The following ITGA11 variants were observed in gnomAD, a reference collection of about 807,000 sequenced individuals.
ITGA11 encodes integrin alpha-11.
Under a neutral mutation model 141.9 loss-of-function variants are expected in ITGA11, and 97 were observed. The observed-to-expected ratio is 0.68, with a 90% confidence interval of 0.58 to 0.81. ITGA11 has a LOEUF of 0.81. Ranked by LOEUF, ITGA11 falls within the 30% of genes least tolerant of loss-of-function variation. The probability of loss-of-function intolerance (pLI) is 0.00; values close to 1 mark genes in which losing one functional copy is unlikely to be tolerated. For missense variants in ITGA11, 1,387 were observed against 1,559.2 expected, an observed-to-expected ratio of 0.89 and a Z score of 1.86; for synonymous variants, 658 against 624.6, an observed-to-expected ratio of 1.05 and a Z score of -0.80.
intron 1 of ITGA11, among the ~76,000 whole-genome samples, chr15:68,426,817 C>T (rs569985499): frequency 2.0e-5 from 3 of 152,040 alleles, no homozygotes; most frequent in African/African-American, 7.2e-5. Flanking sequence ...GAGTTCAAGA[C>T]CAGCCTGGTC....
intron 1 of ITGA11, among the ~76,000 whole-genome samples, chr15:68,404,375 C>A (rs988164920): frequency 8.5e-5 from 13 of 152,162 alleles, no homozygotes; most frequent in African/African-American, 2.7e-4. Context: ...CGCCCTGGCC[C>A]CAAGGGTCGC....
intron 1 of ITGA11, among the ~76,000 whole-genome samples, chr15:68,431,532 C>T (rs1897270883): frequency 6.6e-6 from 1 of 152,152 alleles, no homozygotes; most frequent in African/African-American, 2.4e-5. Flanking sequence ...TTCAGCCCTC[C>T]GGGGCCGCCG....
rs75284077 is a variant in ITGA11 at position 68,325,265 on chromosome 15, C to T, written c.2212-24G>A. 8 of 1,497,120 alleles carry T rather than the reference C, an allele frequency of 5.3e-6. No homozygotes were observed. Among genetic ancestry groups the T allele is most frequent in the African/African-American group, 1.4e-5 (1 of 72,658 alleles). The allele number at this position is 1,497,120 out of a possible 1,614,324, so 92.7% of individuals were successfully genotyped here. A position where few individuals can be genotyped will look rare whatever the true frequency, so the allele number is the denominator to read the frequency against. On this transcript the variant is annotated intron_variant, in intron 17 of 29. Coordinates refer to ENST00000315757, the MANE Select transcript of ITGA11 (RefSeq NM_001004439.2). This position sits in a 1 kb window ranked among gnomAD's most constrained non-coding sequence, Gnocchi z 5.5. ...TCCTGGGGGGTGGAGATGAGGGCAG[C>T]GGTGAGGGAGGAGAGAACGTCATTT...
intron 20 of ITGA11, among the ~76,000 whole-genome samples, chr15:68,319,686 G>A (rs1893724516): frequency 6.6e-6 from 1 of 152,248 alleles, no homozygotes; most frequent in African/African-American, 2.4e-5. Context: ...AGAACGTGTG[G>A]ATGGCTGGTG....
chr15:68,415,884 G>A (rs2140430099), intron 1 of ITGA11, among the ~76,000 whole-genome samples: 1 of 152,296 alleles, frequency 6.6e-6, no homozygotes, highest in South Asian at 2.1e-4. Flanking sequence ...GCCACCAGGG[G>A]TGAGCTTATC....
chr15:68,326,775 A>C lies in ITGA11; in HGVS notation c.2090T>G (p.Met697Arg), dbSNP rs373273567. The change falls in exon 17 of 30, where the codon ATG becomes AGG. Residue 697 changes from methionine to arginine, a missense_variant. Transcript: ENST00000315757. This position sits in a 1 kb window ranked among gnomAD's most constrained non-coding sequence, Gnocchi z 6.8. Reference sequence around the variant, plus strand: ...CCTCGGTGTATACCGCCTCTCATCCATGGTGGCGTTGTATCTGATGCCTGC... The same window carrying C: ...CCTCGGTGTATACCGCCTCTCATCCCTGGTGGCGTTGTATCTGATGCCTGC... ...TTVGIRYNATMDERRYTPRAH... is the reference protein window; with the variant it reads ...TTVGIRYNATRDERRYTPRAH... 2.5e-6 allele frequency: 4 copies of C among 1,581,386 alleles called. No individual in the cohort carries two copies. Among genetic ancestry groups the C allele is most frequent in the Admixed American group, 1.8e-5 (1 of 55,824 alleles).
chr15:68,426,328 G>A (rs1897142360), intron 1 of ITGA11, among the ~76,000 whole-genome samples: 1 of 152,220 alleles, frequency 6.6e-6, no homozygotes, highest in Non-Finnish European at 1.5e-5. Flanking sequence ...ATGGGAGCAG[G>A]CGGGGCAGAC....
At chr15:68,428,738 T>C (rs1238840289) in intron 1 of ITGA11, among the ~76,000 whole-genome samples, 1 of 152,202 alleles carries the variant, frequency 6.6e-6, no homozygotes, top group African/African-American at 2.4e-5. Flanking sequence ...CAGGTTGCTT[T>C]CTGTTGGGTA....
intron 3 of ITGA11, 83 bp from the exon 4 acceptor site, chr15:68,364,881 G>C: frequency 7.4e-7 from 1 of 1,345,806 alleles, no homozygotes; most frequent in East Asian, 2.3e-5. Context: ...GGTCACCCGA[G>C]GTGCCTCCCC....
chr15:68,424,111 G>A (rs1366953381), intron 1 of ITGA11, among the ~76,000 whole-genome samples: 1 of 152,202 alleles, frequency 6.6e-6, no homozygotes, highest in Admixed American at 6.5e-5. Context: ...GGGCCACACA[G>A]GGATCAAGTA....
At chr15:68,316,715 G>C (rs889129937) in intron 21 of ITGA11, among the ~76,000 whole-genome samples, 4 of 152,156 alleles carry the variant, frequency 2.6e-5, no homozygotes, top group African/African-American at 7.2e-5. Flanking sequence ...CCAAGTCCAC[G>C]CAGCTTGGCC....
chr15:68,337,571 T>C (rs552686366), intron 11 of ITGA11, among the ~76,000 whole-genome samples: 1 of 152,242 alleles, frequency 6.6e-6, no homozygotes, highest in African/African-American at 2.4e-5. Context: ...CCCAAGGCAG[T>C]GACTGTGGCT....
rs1467283522 is a variant in ITGA11, at chr15:68,307,438, C to T, written c.3291G>A (p.Lys1097=). Residue 1097 remains lysine (K), a synonymous_variant, in exon 28 of 30, where the codon AAG becomes AAA. Transcript: ENST00000315757. This position sits in a 1 kb window ranked among gnomAD's most constrained non-coding sequence, Gnocchi z 6.1. ...NLWLRSLKAL[K]YKSMKIMVNA... ...TGACCATGATTTTCATGGATTTGTACTTGAGCTGTGCAATCAGAGGGCTCG... is the reference window on the plus strand; with the variant it reads ...TGACCATGATTTTCATGGATTTGTATTTGAGCTGTGCAATCAGAGGGCTCG... 4 of 1,555,976 alleles carry T rather than the reference C, an allele frequency of 2.6e-6. No individual in the cohort carries two copies. The highest frequency in any genetic ancestry group is 1.4e-5 in the African/African-American group (1 of 73,384).
At chr15:68,429,464 T>A (rs1441734987) in intron 1 of ITGA11, among the ~76,000 whole-genome samples, 1 of 151,990 alleles carries the variant, frequency 6.6e-6, no homozygotes, top group Non-Finnish European at 1.5e-5. Flanking sequence ...CTTGATTACT[T>A]TTTTTTTAGG....
At chr15:68,372,809 T>C (rs1233060371) in intron 2 of ITGA11, among the ~76,000 whole-genome samples, 1 of 152,184 alleles carries the variant, frequency 6.6e-6, no homozygotes, top group East Asian at 1.9e-4. Flanking sequence ...ACAAGGCTCT[T>C]TGGGGACTCA....
At chr15:68,318,721 C>T (rs1893683973) in intron 20 of ITGA11, among the ~76,000 whole-genome samples, 3 of 151,730 alleles carry the variant, frequency 2.0e-5, no homozygotes, top group Admixed American at 6.6e-5. Flanking sequence ...GTGTGTGTGG[C>T]AAGCAAGGGG....
At position 68,317,445 on chromosome 15, in the gene ITGA11, C is replaced by G. The variant is rs1482670698; in HGVS notation, c.2617-82G>C. 4.2e-6 allele frequency: 4 copies of G among 952,710 alleles called. No individual in the cohort carries two copies. The African/African-American group carries it at 6.5e-5, about 15-fold the overall frequency. The allele number at this position is 952,710 out of a possible 1,614,324, so 59.0% of individuals were successfully genotyped here. A position where few individuals can be genotyped will look rare whatever the true frequency, so the allele number is the denominator to read the frequency against. ...TCGAGGCTCCCTCACCCCCAGCCTG[C>G]ACCCCACTCTGCAGGGGCCGCCTCA... On this transcript the variant is annotated intron_variant, in intron 20 of 29. Coordinates refer to ENST00000315757, the MANE Select transcript of ITGA11 (RefSeq NM_001004439.2).
Position 68,326,753 on chromosome 15 carries a change from C to G in ITGA11, c.2112G>C (p.Pro704=). The G allele has an allele frequency of 6.3e-7, 1 of 1,580,600 alleles. No homozygotes were observed. The highest frequency in any genetic ancestry group is 1.2e-5 in the South Asian group (1 of 85,994). The change falls in exon 17 of 30, where the codon CCG becomes CCC. Residue 704 remains proline, a synonymous_variant. Transcript: ENST00000315757. The surrounding 1 kb of genome is among the most constrained non-coding windows in gnomAD (Gnocchi z 6.8). ...CCCCGCCCTCGTCCAGGTGGGCCCTCGGTGTATACCGCCTCTCATCCATGG... is the reference window on the plus strand; with the variant it reads ...CCCCGCCCTCGTCCAGGTGGGCCCTGGGTGTATACCGCCTCTCATCCATGG... ...NATMDERRYT[P]RAHLDEGGDR...
In ITGA11 at chr15:68,403,153, A is replaced by G. The variant is rs968623698; in HGVS notation, c.53-124T>C. Reference sequence around the variant, plus strand: ...GGAGGGTCTTGGCTGTGGGACAAGCATGTTTCCCCATCTTGGGGAGTCCCT... The same window carrying G: ...GGAGGGTCTTGGCTGTGGGACAAGCGTGTTTCCCCATCTTGGGGAGTCCCT... On this transcript the variant is annotated intron_variant, in intron 1 of 29. Transcript: ENST00000315757. 4.2e-5 allele frequency: 28 copies of G among 662,084 alleles called. No individual in the cohort carries two copies. In the Middle Eastern group the frequency reaches 1.8e-3, roughly 42 times the overall value. 41.0% of individuals were successfully genotyped at this position (662,084 alleles called of 1,614,324 possible).
Sources: allele counts gnomAD v4.1 joint callset (sites outside exome capture counted in the v4.1 genomes callset), GRCh38; gene constraint gnomAD v4.1.1; non-coding constraint Gnocchi (gnomAD v3.1); transcripts MANE v1.5; gene names NCBI Gene and HGNC (gene_info 2026-07-23, HGNC 2026-07-21).